DOK6: variants seen among roughly 807,000 people sequenced by gnomAD.
The protein encoded by DOK6 is docking protein 6, also known as downstream of tyrosine kinase 6.
A neutral mutation model predicts 44.0 loss-of-function variants in DOK6; 22 were observed. The observed-to-expected ratio is 0.50, with a 90% CI of 0.36 to 0.71. The LOEUF is 0.71. Ranked by LOEUF, DOK6 falls within the 30% of genes least tolerant of loss-of-function variation. DOK6 has a pLI of 0.00. For synonymous variants in DOK6, 166 were observed against 145.5 expected (o/e 1.14, Z -1.01); for missense variants, 340 against 416.4 (o/e 0.82, Z 1.60).
intron 1 of DOK6, among the ~76,000 whole-genome samples, chr18:69,485,446 G>T (rs965179906): frequency 6.6e-6 from 1 of 152,110 alleles, no homozygotes; most frequent in African/African-American, 2.4e-5. Flanking sequence ...GCCTCATTCA[G>T]TTGGCCATTT....
intron 2 of DOK6, among the ~76,000 whole-genome samples, chr18:69,567,367 T>C (rs1983008776): frequency 6.6e-6 from 1 of 152,150 alleles, no homozygotes; most frequent in African/African-American, 2.4e-5. Context: ...GCTATAGATA[T>C]GAGTAGGCTA....
chr18:69,429,157 G>C (rs1250166839), intron 1 of DOK6, among the ~76,000 whole-genome samples: 11 of 152,046 alleles, frequency 7.2e-5, no homozygotes, highest in Non-Finnish European at 1.3e-4. Context: ...CTATCCATTG[G>C]CTTCAAAAAT....
In DOK6 at chr18:69,842,631, A is replaced by G. The variant is rs1245529115; in HGVS notation, c.*1248A>G. ...CAGGTTGTCTGAGATTATAAGAAATAAAATAGATCAATAATTTTCATCATC... is the reference window on the plus strand; with the variant it reads ...CAGGTTGTCTGAGATTATAAGAAATGAAATAGATCAATAATTTTCATCATC... On this transcript the variant is annotated 3_prime_UTR_variant, in exon 8 of 8. Transcript: ENST00000382713. 4 of 152,222 alleles carry G rather than the reference A, an allele frequency of 2.6e-5. No homozygotes were observed. Among genetic ancestry groups the G allele is most frequent in the Non-Finnish European group, 2.9e-5 (2 of 68,050 alleles). 9.4% of individuals were successfully genotyped at this position (152,222 alleles called of 1,614,324 possible). A position where few individuals can be genotyped will look rare whatever the true frequency, so the allele number is the denominator to read the frequency against.
chr18:69,457,502 T>G (rs1979662646), intron 1 of DOK6, among the ~76,000 whole-genome samples: 1 of 152,170 alleles, frequency 6.6e-6, no homozygotes, highest in South Asian at 2.1e-4. Flanking sequence ...TGTGTCTGTT[T>G]TTGTACCAGT....
At chr18:69,543,088 AC>A (rs1300827452) in intron 1 of DOK6, among the ~76,000 whole-genome samples, 2 of 151,340 alleles carry the variant, frequency 1.3e-5, no homozygotes, top group East Asian at 3.9e-4. Flanking sequence ...TCCCAAGCAG[AC>A]CCCGTAATGG....
chr18:69,706,012 T>C (rs766934596), intron 5 of DOK6, among the ~76,000 whole-genome samples: 3 of 151,844 alleles, frequency 2.0e-5, no homozygotes, highest in Non-Finnish European at 4.4e-5. Flanking sequence ...TACAACTCAA[T>C]ACATGCAGGT....
chr18:69,579,646 C>T (rs908581908), intron 2 of DOK6, among the ~76,000 whole-genome samples: 2 of 152,116 alleles, frequency 1.3e-5, no homozygotes, highest in Non-Finnish European at 2.9e-5. Flanking sequence ...TCACTGCAAC[C>T]TCCAGCTCCC....
At chr18:69,687,557 CTGAAG>C (rs544720689) in intron 4 of DOK6, among the ~76,000 whole-genome samples, 3 of 152,128 alleles carry the variant, frequency 2.0e-5, no homozygotes, top group South Asian at 4.1e-4. Flanking sequence ...TGGCGGGCGC[CTGAAG>C]TCCCAGCTAC....
chr18:69,841,821 A>C lies in DOK6; in HGVS notation c.*438A>C, dbSNP rs1267059229. The C allele has an allele frequency of 6.2e-6, 1 of 161,824 alleles. No individual in the cohort carries two copies. The highest frequency in any genetic ancestry group is 1.7e-4 in the East Asian group (1 of 5,948). The allele number at this position is 161,824 out of a possible 1,614,324, so 10.0% of individuals were successfully genotyped here. On this transcript the variant is annotated 3_prime_UTR_variant, in exon 8 of 8. Coordinates refer to ENST00000382713, the MANE Select transcript of DOK6 (RefSeq NM_152721.6). ...CCTCCACAAGCTCTGTGGCTTTTAA[A>C]GTTCTGACAGGGATAAATACAGTAA...
intron 4 of DOK6, among the ~76,000 whole-genome samples, chr18:69,678,186 T>C (rs1434191814): frequency 6.6e-6 from 1 of 151,944 alleles, no homozygotes; most frequent in Non-Finnish European, 1.5e-5. Context: ...GAGGCAGAGG[T>C]TGCAATGAGC....
chr18:69,757,946 T>C, intron 7 of DOK6, 73 bp downstream of exon 7: 1 of 1,287,294 alleles, frequency 7.8e-7, no homozygotes, highest in South Asian at 1.2e-5. Flanking sequence ...TGCAAATTGC[T>C]TTGTATTTGC....
intron 2 of DOK6, among the ~76,000 whole-genome samples, chr18:69,597,672 G>C (rs1257407180): frequency 6.6e-6 from 1 of 152,184 alleles, no homozygotes; most frequent in East Asian, 1.9e-4. Context: ...TGTGTCTACA[G>C]TATGACCACA....
intron 7 of DOK6, among the ~76,000 whole-genome samples, chr18:69,806,377 A>C (rs747390854): frequency 2.6e-5 from 4 of 151,986 alleles, no homozygotes; most frequent in Non-Finnish European, 5.9e-5. Flanking sequence ...GCACTTTCTA[A>C]CTTTTAATAA....
intron 1 of DOK6, among the ~76,000 whole-genome samples, chr18:69,427,192 C>T (rs1669667035): frequency 6.6e-6 from 1 of 152,110 alleles, no homozygotes; most frequent in Non-Finnish European, 1.5e-5. Context: ...CTCTCCCTCT[C>T]CCTCTCTCTC....
At chr18:69,769,966 T>G (rs1476310929) in intron 7 of DOK6, among the ~76,000 whole-genome samples, 1 of 152,134 alleles carries the variant, frequency 6.6e-6, no homozygotes, top group Non-Finnish European at 1.5e-5. Context: ...GTAACATGTT[T>G]GAAAATTTTT....
At chr18:69,705,463 G>GA (rs1257907727) in intron 5 of DOK6, among the ~76,000 whole-genome samples, 2 of 152,042 alleles carry the variant, frequency 1.3e-5, no homozygotes, top group Non-Finnish European at 2.9e-5. Flanking sequence ...AAGGTGCCTT[G>GA]ACTTTGTCAG....
At chr18:69,806,452 C>T (rs1981054260) in intron 7 of DOK6, among the ~76,000 whole-genome samples, 2 of 151,938 alleles carry the variant, frequency 1.3e-5, no homozygotes, top group Non-Finnish European at 2.9e-5. Context: ...CCACATTAAT[C>T]TCAGTGTAAT....
intron 7 of DOK6, among the ~76,000 whole-genome samples, chr18:69,816,691 G>A (rs1037956527): frequency 6.6e-6 from 1 of 152,152 alleles, no homozygotes; most frequent in South Asian, 2.1e-4. Context: ...CTCATTAAAG[G>A]CAAATTAGGG....
At chr18:69,733,293 C>T (rs1300295316) in intron 5 of DOK6, among the ~76,000 whole-genome samples, 1 of 152,078 alleles carries the variant, frequency 6.6e-6, no homozygotes, top group East Asian at 1.9e-4. Flanking sequence ...ATACTTAAAC[C>T]CCATCTGCTT....
Sources: allele counts gnomAD v4.1 joint callset (sites outside exome capture counted in the v4.1 genomes callset), GRCh38; gene constraint gnomAD v4.1.1; transcripts MANE v1.5; gene names NCBI Gene and HGNC (gene_info 2026-07-23, HGNC 2026-07-21).